The following KAZN variants were observed in gnomAD, a reference collection of about 807,000 sequenced individuals.
KAZN encodes kazrin, periplakin interacting protein, also known as kazrin.
Under a neutral mutation model 87.4 loss-of-function variants are expected in KAZN, and 40 were observed. The observed-to-expected ratio is 0.46, with a 90% CI of 0.36 to 0.60. The LOEUF is 0.60. Among genes scored for constraint, KAZN ranks in the 20% least tolerant of loss-of-function variants. The pLI, the probability that KAZN is intolerant of heterozygous loss-of-function variation, is 0.00. For synonymous variants in KAZN, 466 were observed against 458.3 expected (o/e 1.02, Z -0.22); for missense variants, 898 against 1,073.9 (o/e 0.84, Z 2.29).
At chr1:14,547,796 G>A (rs912872617) in intron 2 of KAZN, among the ~76,000 whole-genome samples, 1 of 151,754 alleles carries the variant, frequency 6.6e-6, no homozygotes, top group Non-Finnish European at 1.5e-5. Context: ...TCACCATGTC[G>A]ACCAGGATGG....
At chr1:14,463,642 A>C (rs1309270070) in intron 2 of KAZN, among the ~76,000 whole-genome samples, 3 of 152,110 alleles carry the variant, frequency 2.0e-5, no homozygotes, top group Non-Finnish European at 2.9e-5. Flanking sequence ...ATACTATGAC[A>C]ATTTCCAAAT....
At chr1:14,228,136 C>T (rs890359038) in intron 2 of KAZN, among the ~76,000 whole-genome samples, 2 of 152,148 alleles carry the variant, frequency 1.3e-5, no homozygotes, top group African/African-American at 2.4e-5. Context: ...CTCTTCCACT[C>T]AGCTGAGTTC....
intron 2 of KAZN, among the ~76,000 whole-genome samples, chr1:14,235,977 G>A (rs939509042): frequency 6.6e-6 from 1 of 152,114 alleles, no homozygotes; most frequent in Non-Finnish European, 1.5e-5. Flanking sequence ...GCTTTTCAAT[G>A]AGCAAAGCTC....
chr1:15,078,433 C>G (rs1481060953), intron 8 of KAZN, among the ~76,000 whole-genome samples: 2 of 152,008 alleles, frequency 1.3e-5, no homozygotes, highest in Non-Finnish European at 2.9e-5. Context: ...AGTGATGGAA[C>G]GAGGCCAAGA....
At chr1:15,111,400 C>T (rs1641616499) in intron 13 of KAZN, among the ~76,000 whole-genome samples, 2 of 152,246 alleles carry the variant, frequency 1.3e-5, no homozygotes, top group South Asian at 2.1e-4. Context: ...TCTTAGCCTC[C>T]GAGTAACTGG....
chr1:14,415,570 C>T (rs553747375), intron 2 of KAZN, among the ~76,000 whole-genome samples: 1 of 152,094 alleles, frequency 6.6e-6, no homozygotes, highest in South Asian at 2.1e-4. Flanking sequence ...AGGTGGTAGA[C>T]CAGACCTGCT....
intron 1 of KAZN, among the ~76,000 whole-genome samples, chr1:14,143,754 G>A (rs1432592497): frequency 6.6e-6 from 1 of 150,802 alleles, no homozygotes; most frequent in African/African-American, 2.4e-5. Context: ...ATCTTGCTCT[G>A]TTGCCCAGGC....
At chr1:14,633,615 G>T (rs943846895) in intron 1 of KAZN, among the ~76,000 whole-genome samples, 1 of 152,068 alleles carries the variant, frequency 6.6e-6, no homozygotes, top group African/African-American at 2.4e-5. Context: ...CCTCGAAGCC[G>T]CTAAGTTTGT....
intron 2 of KAZN, among the ~76,000 whole-genome samples, chr1:14,374,696 A>T (rs986893829): frequency 3.3e-5 from 5 of 152,020 alleles, no homozygotes; most frequent in African/African-American, 1.2e-4. Context: ...GCTGGAGTCC[A>T]CTCTCAGAAT....
intron 1 of KAZN, among the ~76,000 whole-genome samples, chr1:14,774,468 A>ACTTTTTTT (rs1557476099): frequency 7.6e-6 from 1 of 131,286 alleles, no homozygotes; most frequent in Non-Finnish European, 1.6e-5. Context: ...TCTTGAACAG[A>ACTTTTTTT]TTTTTTTTTT....
At chr1:14,907,718 C>T (rs1656767933) in intron 1 of KAZN, among the ~76,000 whole-genome samples, 1 of 152,124 alleles carries the variant, frequency 6.6e-6, no homozygotes. Context: ...GAGAATATTC[C>T]TGGCAGGGGG....
rs560486936 is a variant in KAZN at position 14,884,321 on chromosome 1, G to A, written c.227-76363G>A. ...GCAGGAGAATCGCTTGAACCCGGGA[G>A]GCAGAGGTTGCAGTGAACCCAGATC... On this transcript the variant is annotated intron_variant, in intron 1 of 14. Coordinates refer to ENST00000376030, the MANE Select transcript of KAZN (RefSeq NM_201628.3). Among the ~76,000 whole-genome samples, 48 of 152,236 alleles carry A rather than the reference G, an allele frequency of 3.2e-4. 1 individual carries two copies. In the South Asian group the frequency reaches 9.3e-3, roughly 30 times the overall value.
At chr1:14,619,113 G>A (rs1678488113) in intron 1 of KAZN, among the ~76,000 whole-genome samples, 1 of 152,038 alleles carries the variant, frequency 6.6e-6, no homozygotes, top group South Asian at 2.1e-4. Flanking sequence ...ATGCAGGGGT[G>A]GAAGACAGAT....
chr1:14,473,620 A>G (rs1283690798), intron 2 of KAZN, among the ~76,000 whole-genome samples: 1 of 150,232 alleles, frequency 6.7e-6, no homozygotes, highest in Non-Finnish European at 1.5e-5. Flanking sequence ...GCCTTGGGAC[A>G]GAGAGAGACT....
chr1:14,297,469 A>T (rs1017404360), intron 2 of KAZN, among the ~76,000 whole-genome samples: 2 of 152,124 alleles, frequency 1.3e-5, no homozygotes, highest in Non-Finnish European at 2.9e-5. Flanking sequence ...TGCGGTAGAG[A>T]CAGGCAAAGG....
At chr1:13,957,730 A>T (rs1641597731) in intron 1 of KAZN, among the ~76,000 whole-genome samples, 1 of 152,046 alleles carries the variant, frequency 6.6e-6, no homozygotes, top group African/African-American at 2.4e-5. Context: ...TCTCACTGGA[A>T]CCAGTGAGTG....
chr1:14,877,014 CA>C (rs1293242850), intron 1 of KAZN, among the ~76,000 whole-genome samples: 28 of 152,306 alleles, frequency 1.8e-4, no homozygotes, highest in African/African-American at 6.7e-4. Context: ...TGTAGAGATG[CA>C]AAAGCTACTG....
intron 1 of KAZN, among the ~76,000 whole-genome samples, chr1:14,020,238 G>C (rs1396092000): frequency 6.6e-6 from 1 of 152,170 alleles, no homozygotes; most frequent in Non-Finnish European, 1.5e-5. Context: ...AGCTTTGCTT[G>C]CTCACATCTC....
chr1:14,856,989 A>G lies in KAZN; in HGVS notation c.227-103695A>G, dbSNP rs930514222. Among the ~76,000 whole-genome samples the G allele has an allele frequency of 6.6e-6, 1 of 152,184 alleles. No homozygotes were observed. The highest frequency in any genetic ancestry group is 6.5e-5 in the Admixed American group (1 of 15,280). On this transcript the variant is annotated intron_variant, in intron 1 of 14. Coordinates refer to ENST00000376030, the MANE Select transcript of KAZN (RefSeq NM_201628.3). The surrounding 1 kb of genome is among the most constrained non-coding windows in gnomAD (Gnocchi z 5.2). ...ATAACAATTTGCACTCGAACAGGAG[A>G]ACATGGGCATAAATGCACCAGGAGA...
Sources: gnomAD v4.1 joint callset for allele counts (sites outside exome capture counted in the v4.1 genomes callset) on GRCh38, gnomAD v4.1.1 for gene constraint, Gnocchi (gnomAD v3.1) non-coding constraint, MANE v1.5 for transcripts, NCBI Gene and HGNC (gene_info 2026-07-23, HGNC 2026-07-21) for gene names.